Variants in ZNF791 observed in about 807,000 individuals in gnomAD.
ZNF791 encodes the protein zinc finger protein 791.
A neutral mutation model predicts 11.5 loss-of-function variants in ZNF791; 4 were observed. That is an observed-to-expected ratio of 0.35 (90% CI 0.17 to 0.80). The LOEUF is 0.80. Among genes scored for constraint, ZNF791 ranks in the 30% least tolerant of loss-of-function variants. The pLI, the probability that ZNF791 is intolerant of heterozygous loss-of-function variation, is 0.53. For missense variants in ZNF791, 559 were observed against 699.4 expected (o/e 0.80, Z 2.26); for synonymous variants, 212 against 228.1 (o/e 0.93, Z 0.64).
intron 1 of ZNF791, among the ~76,000 whole-genome samples, chr19:12,620,424 C>T (rs935880991): frequency 4.6e-5 from 7 of 152,158 alleles, no homozygotes; most frequent in Non-Finnish European, 5.9e-5. Context: ...GATCTGCCCA[C>T]CTCAGCCTCC....
Position 12,628,770 on chromosome 19 carries a change from G to A in ZNF791, c.1241G>A (p.Cys414Tyr). Residue 414 changes from cysteine (C) to tyrosine (Y), a missense_variant, in exon 4 of 4, where the codon TGT (cysteine) becomes TAT (tyrosine). By Grantham distance (194) the Cys-to-Tyr change is radical. Coordinates refer to ENST00000343325, the MANE Select transcript of ZNF791 (RefSeq NM_153358.3). ...RNHTGEKPYE[C>Y]KECAKTFISL... The stretch of plus-strand genomic sequence containing the variant: ...CACACTGGAGAAAAACCCTATGAGT[G>A]TAAGGAATGTGCAAAAACCTTCATT... 6.2e-7 allele frequency: 1 copy of A among 1,613,938 alleles called. No individual in the cohort carries two copies. Among genetic ancestry groups the A allele is most frequent in the Non-Finnish European group, 8.5e-7 (1 of 1,179,944 alleles).
chr19:12,613,603 A>T (rs1277934379), intron 1 of ZNF791, among the ~76,000 whole-genome samples: 1 of 152,082 alleles, frequency 6.6e-6, no homozygotes, highest in African/African-American at 2.4e-5. Flanking sequence ...AAATTTAATT[A>T]AATTGTCTCA....
At chr19:12,620,877 C>G (rs1290222473) in intron 1 of ZNF791, among the ~76,000 whole-genome samples, 3 of 150,446 alleles carry the variant, frequency 2.0e-5, no homozygotes, top group Admixed American at 1.3e-4. Flanking sequence ...TCTCCTGCCT[C>G]TGCCTCCCGA....
chr19:12,615,338 A>G (rs769534928), intron 1 of ZNF791, among the ~76,000 whole-genome samples: 1 of 152,070 alleles, frequency 6.6e-6, no homozygotes, highest in Non-Finnish European at 1.5e-5. Flanking sequence ...TTAAGGTTTT[A>G]TATTTTCCAG....
At chr19:12,623,847 TCTTTTTTC>T (rs755646969) in intron 2 of ZNF791, 21 bp downstream of exon 2, 25 of 1,059,738 alleles carry the variant, frequency 2.4e-5, no homozygotes, top group South Asian at 8.2e-5. Context: ...CATCATTTTT[TCTTTTTTC>T]TTTTTTTTTT....
Position 12,628,961 on chromosome 19 carries a change from A to C in ZNF791, c.1432A>C (p.Ser478Arg). The change falls in exon 4 of 4, where the codon AGT (serine) becomes CGT (arginine). Residue 478 changes from serine to arginine, a missense_variant. Ser to Arg is a moderately radical substitution (Grantham distance 110, BLOSUM62 -1). Transcript: ENST00000343325. ...ATGTAAACAATGTGGAAAAGCCTTT[A>C]GTTGTTCTAGTTACATTCGGATACA... ...YECKQCGKAFSCSSYIRIHKR... is the reference protein window; with the variant it reads ...YECKQCGKAFRCSSYIRIHKR... The C allele has an allele frequency of 1.2e-6, 2 of 1,614,062 alleles. No homozygotes were observed. Among genetic ancestry groups the C allele is most frequent in the Non-Finnish European group, 1.7e-6 (2 of 1,179,980 alleles).
rs7257714 is a variant in ZNF791 at position 12,632,110 on chromosome 19, G to A, written c.*2850G>A. 98,551 of 151,530 alleles carry A rather than the reference G, an allele frequency of 0.65. 33,081 individuals carry two copies. Among genetic ancestry groups the A allele is most frequent in the African/African-American group, 0.71 (29,312 of 41,286 alleles). 9.4% of individuals were successfully genotyped at this position (151,530 alleles called of 1,614,324 possible). A position where few individuals can be genotyped will look rare whatever the true frequency, so the allele number is the denominator to read the frequency against. The stretch of plus-strand genomic sequence containing the variant: ...CCAGTAGCTGGGACTGCAGGCGCCC[G>A]CCACCATGCCCAGCTAATTTTTTTT... On this transcript the variant is annotated 3_prime_UTR_variant, in exon 4 of 4. Transcript: ENST00000343325.
At chr19:12,621,880 C>A in intron 1 of ZNF791, among the ~76,000 whole-genome samples, 1 of 126,304 alleles carries the variant, frequency 7.9e-6, no homozygotes, top group Non-Finnish European at 1.7e-5. Flanking sequence ...TGAGAACGGG[C>A]CAGGATGACA....
At position 12,628,744 on chromosome 19, in the gene ZNF791, TCA is replaced by T; in HGVS notation, c.1219_1220del (p.Thr407TrpfsTer6). The T allele has an allele frequency of 6.2e-7, 1 of 1,603,078 alleles. No individual in the cohort carries two copies. Among genetic ancestry groups the T allele is most frequent in the Non-Finnish European group, 8.5e-7 (1 of 1,176,134 alleles). ...PLDLKIHKRN[H>X]TGEKPYECKE... ...TAGATTTGAAAATCCACAAGAGAAA[TCA>T]CACTGGAGAAAAACCCTATGAGTGT... On this transcript the variant is annotated frameshift_variant, in exon 4 of 4. Coordinates refer to ENST00000343325, the MANE Select transcript of ZNF791 (RefSeq NM_153358.3). LOFTEE classifies it low-confidence loss of function (END_TRUNC).
chr19:12,622,943 T>C (rs2023376986), intron 1 of ZNF791, among the ~76,000 whole-genome samples: 1 of 148,596 alleles, frequency 6.7e-6, no homozygotes, highest in Non-Finnish European at 1.5e-5. Context: ...CTGGGAGTGG[T>C]GTTGCACATC....
chr19:12,627,487 G>C (rs755527613), intron 3 of ZNF791, among the ~76,000 whole-genome samples: 2 of 152,104 alleles, frequency 1.3e-5, no homozygotes, highest in Non-Finnish European at 2.9e-5. Flanking sequence ...TTAGCTGGGC[G>C]TGGTGGCGCA....
intron 1 of ZNF791, among the ~76,000 whole-genome samples, chr19:12,614,660 T>C (rs1189376841): frequency 6.7e-6 from 1 of 150,238 alleles, no homozygotes; most frequent in Non-Finnish European, 1.5e-5. Flanking sequence ...AATGGCACAA[T>C]CTCGGCTCAC....
At position 12,619,421 on chromosome 19, in the gene ZNF791, G is replaced by A. The variant is rs541239392; in HGVS notation, c.4-4279G>A. Among the ~76,000 whole-genome samples the A allele has an allele frequency of 5.4e-5, 8 of 148,636 alleles. No homozygotes were observed. In the East Asian group the frequency reaches 1.4e-3, roughly 26 times the overall value. ...CTCCGTTTGTACATGATTGTTCTCT[G>A]TAGTCATCAACACTAATGTTATCTT... On this transcript the variant is annotated intron_variant, in intron 1 of 3. Coordinates refer to ENST00000343325, the MANE Select transcript of ZNF791 (RefSeq NM_153358.3).
chr19:12,611,018 T>C lies in ZNF791; in HGVS notation c.-62T>C. 6.2e-7 allele frequency: 1 copy of C among 1,612,816 alleles called. No homozygotes were observed. ...TGCTGTACCCCTGCATCGGATGCGC[T>C]GTACCCTGCGCTGGCTCCGTGAACC... On this transcript the variant is annotated 5_prime_UTR_variant, in exon 1 of 4. Coordinates refer to ENST00000343325, the MANE Select transcript of ZNF791 (RefSeq NM_153358.3).
intron 1 of ZNF791, among the ~76,000 whole-genome samples, chr19:12,616,872 C>CAT (rs2023251286): frequency 6.8e-6 from 1 of 147,418 alleles, no homozygotes. Context: ...TTTTTCCTTT[C>CAT]ATAGATTGTG....
chr19:12,624,540 A>G (rs2023399462), intron 2 of ZNF791, 110 bp from the exon 3 acceptor site: 1 of 781,410 alleles, frequency 1.3e-6, no homozygotes. Flanking sequence ...AAAAGGAAAC[A>G]CTTCTGTAAA....
intron 1 of ZNF791, among the ~76,000 whole-genome samples, chr19:12,615,086 C>T (rs1345449563): frequency 7.9e-6 from 1 of 126,772 alleles, no homozygotes; most frequent in Non-Finnish European, 1.6e-5. Context: ...GTGATGTGAT[C>T]ATTGCTCACT....
intron 1 of ZNF791, among the ~76,000 whole-genome samples, chr19:12,617,760 C>CTTTTTTTTT (rs1019193795): frequency 2.7e-4 from 14 of 51,718 alleles, no homozygotes; most frequent in Non-Finnish European, 2.8e-4. Flanking sequence ...TGCTGGAACT[C>CTTTTTTTTT]TTTTTTTTTT....
At chr19:12,612,198 A>T in intron 1 of ZNF791, 3 of 788,040 alleles carry the variant, frequency 3.8e-6, no homozygotes, top group Non-Finnish European at 4.6e-6. Flanking sequence ...AACTGACATT[A>T]TTATTTTCTT....
Sources: gnomAD v4.1 joint callset for allele counts (sites outside exome capture counted in the v4.1 genomes callset) on GRCh38, gnomAD v4.1.1 for gene constraint, MANE v1.5 for transcripts, NCBI Gene and HGNC (gene_info 2026-07-23, HGNC 2026-07-21) for gene names.